Variants in ZMAT4 observed in about 807,000 individuals in gnomAD.
ZMAT4 encodes the protein zinc finger matrin-type protein 4.
A neutral mutation model predicts 28.7 loss-of-function variants in ZMAT4; 17 were observed. That is an observed-to-expected ratio of 0.59 (90% CI 0.41 to 0.89). The LOEUF (loss-of-function observed/expected upper bound fraction) is 0.89. ZMAT4 is among the 40% of genes least tolerant of loss of function. The pLI is 0.00. For missense variants in ZMAT4, 240 were observed against 283.8 expected, an observed-to-expected ratio of 0.85 and a Z score of 1.11; for synonymous variants, 117 against 109.2, an observed-to-expected ratio of 1.07 and a Z score of -0.44.
At chr8:40,636,528 C>T (rs1442804272) in intron 5 of ZMAT4, among the ~76,000 whole-genome samples, 1 of 152,186 alleles carries the variant, frequency 6.6e-6, no homozygotes, top group Non-Finnish European at 1.5e-5. Context: ...CAGCTGCTTC[C>T]ATTATTCTTT....
chr8:40,599,715 G>A (rs1805231751), intron 5 of ZMAT4, among the ~76,000 whole-genome samples: 1 of 152,232 alleles, frequency 6.6e-6, no homozygotes, highest in Admixed American at 6.5e-5. Context: ...ATGCCTAAAG[G>A]CAGGTGGGAG....
chr8:40,732,314 G>A (rs568120445), intron 3 of ZMAT4, among the ~76,000 whole-genome samples: 1 of 152,282 alleles, frequency 6.6e-6, no homozygotes, highest in Admixed American at 6.5e-5. Flanking sequence ...GGGAAGGTCA[G>A]ACCCTGCAGC....
chr8:40,797,032 C>A (rs1460153345), intron 2 of ZMAT4, among the ~76,000 whole-genome samples: 1 of 152,202 alleles, frequency 6.6e-6, no homozygotes, highest in Non-Finnish European at 1.5e-5. Context: ...TCACTCCCCT[C>A]ACTCTGTGCT....
intron 6 of ZMAT4, among the ~76,000 whole-genome samples, chr8:40,564,905 G>A (rs1299801417): frequency 6.6e-6 from 1 of 152,106 alleles, no homozygotes; most frequent in Non-Finnish European, 1.5e-5. Flanking sequence ...TACCTGCACG[G>A]ATAGTAAAAA....
intron 1 of ZMAT4, among the ~76,000 whole-genome samples, chr8:40,886,982 T>C (rs547367792): frequency 2.6e-5 from 4 of 151,926 alleles, no homozygotes; most frequent in East Asian, 3.9e-4. Flanking sequence ...CCAACCTGGC[T>C]AACATGGTGA....
intron 1 of ZMAT4, among the ~76,000 whole-genome samples, chr8:40,836,130 C>T (rs953540614): frequency 6.6e-6 from 1 of 152,134 alleles, no homozygotes; most frequent in Admixed American, 6.6e-5. Context: ...TTGTGACACC[C>T]CCTACTTTGG....
chr8:40,794,683 C>T lies in ZMAT4; in HGVS notation c.103-26953G>A, dbSNP rs1479781014. On this transcript the variant is annotated intron_variant, in intron 2 of 6. Coordinates refer to ENST00000297737, the MANE Select transcript of ZMAT4 (RefSeq NM_024645.3). ...TGATGCTGTGAGACACACACAGTCCCGCTGCCTTTCTAACTCTCCTTTCCC... is the reference window on the plus strand; with the variant it reads ...TGATGCTGTGAGACACACACAGTCCTGCTGCCTTTCTAACTCTCCTTTCCC... Among the ~76,000 whole-genome samples the T allele has an allele frequency of 2.6e-5, 4 of 152,224 alleles. 1 individual carries two copies. In the South Asian group the frequency reaches 8.3e-4, roughly 32 times the overall value.
intron 4 of ZMAT4, among the ~76,000 whole-genome samples, chr8:40,688,480 A>T (rs1004257429): frequency 2.6e-5 from 4 of 152,110 alleles, no homozygotes; most frequent in African/African-American, 9.7e-5. Flanking sequence ...AAATAAAAAC[A>T]AAATAAAATA....
chr8:40,831,283 G>A (rs1218474927), intron 1 of ZMAT4, among the ~76,000 whole-genome samples: 4 of 152,126 alleles, frequency 2.6e-5, no homozygotes, highest in African/African-American at 9.7e-5. Flanking sequence ...ATCTATTTTT[G>A]TTGTCACAAG....
intron 4 of ZMAT4, among the ~76,000 whole-genome samples, chr8:40,676,438 G>C (rs1808913358): frequency 6.6e-6 from 1 of 152,078 alleles, no homozygotes; most frequent in Non-Finnish European, 1.5e-5. Context: ...TGTGTTCTTG[G>C]TCTCTGAGAT....
At chr8:40,672,642 A>G (rs1808725244) in intron 5 of ZMAT4, among the ~76,000 whole-genome samples, 1 of 152,210 alleles carries the variant, frequency 6.6e-6, no homozygotes, top group South Asian at 2.1e-4. Flanking sequence ...TTCAAAATAG[A>G]CAGGAAGAAT....
intron 1 of ZMAT4, among the ~76,000 whole-genome samples, chr8:40,868,260 C>G (rs1328654862): frequency 2.6e-5 from 4 of 152,158 alleles, no homozygotes; most frequent in Non-Finnish European, 4.4e-5. Flanking sequence ...AAGAGGACCA[C>G]AGGATATCAG....
At position 40,631,000 on chromosome 8, in the gene ZMAT4, T is replaced by C. The variant is rs756877630; in HGVS notation, c.577+43704A>G. Among the ~76,000 whole-genome samples the C allele has an allele frequency of 7.6e-4, 115 of 152,044 alleles. 1 individual carries two copies. The highest frequency in any genetic ancestry group is 1.4e-3 in the Non-Finnish European group (92 of 68,010). ...GCACATTTTTTTTTCATGGCAAGTG[T>C]TGAAAATCTGGTGTGTCCTTTACAC... is the stretch of plus-strand genomic sequence containing the variant. On this transcript the variant is annotated intron_variant, in intron 5 of 6. Coordinates refer to ENST00000297737, the MANE Select transcript of ZMAT4 (RefSeq NM_024645.3).
intron 1 of ZMAT4, among the ~76,000 whole-genome samples, chr8:40,865,745 G>T (rs1817657046): frequency 6.6e-6 from 1 of 152,198 alleles, no homozygotes; most frequent in Admixed American, 6.5e-5. Flanking sequence ...CTCGAACCCG[G>T]ACTTTTAGAC....
chr8:40,881,250 A>C (rs1305016808), intron 1 of ZMAT4, among the ~76,000 whole-genome samples: 1 of 151,546 alleles, frequency 6.6e-6, no homozygotes, highest in Admixed American at 6.6e-5. Context: ...TTAGCCACGC[A>C]TGGTGGTGCA....
At chr8:40,892,700 G>A (rs1335907137) in intron 1 of ZMAT4, among the ~76,000 whole-genome samples, 1 of 152,216 alleles carries the variant, frequency 6.6e-6, no homozygotes, top group Non-Finnish European at 1.5e-5. Flanking sequence ...GCCAAGGCCT[G>A]TTACCTCTCT....
At chr8:40,600,267 C>A (rs1805254193) in intron 5 of ZMAT4, among the ~76,000 whole-genome samples, 1 of 152,176 alleles carries the variant, frequency 6.6e-6, no homozygotes, top group Non-Finnish European at 1.5e-5. Context: ...GCAACTTCTC[C>A]AACACCCATT....
At chr8:40,812,495 G>A (rs938406107) in intron 2 of ZMAT4, among the ~76,000 whole-genome samples, 1 of 152,204 alleles carries the variant, frequency 6.6e-6, no homozygotes, top group African/African-American at 2.4e-5. Flanking sequence ...AGGAAAACCT[G>A]AGAAACTGTT....
chr8:40,840,335 C>G (rs533289431), intron 1 of ZMAT4, among the ~76,000 whole-genome samples: 1 of 152,140 alleles, frequency 6.6e-6, no homozygotes, highest in East Asian at 1.9e-4. Context: ...TTCAGCTCCA[C>G]GACTCCCCAT....
Sources: allele counts gnomAD v4.1 joint callset (sites outside exome capture counted in the v4.1 genomes callset), GRCh38; gene constraint gnomAD v4.1.1; transcripts MANE v1.5; gene names NCBI Gene and HGNC (gene_info 2026-07-23, HGNC 2026-07-21).